Variants in MLLT3 observed in about 807,000 individuals in gnomAD.
The protein encoded by MLLT3 is protein AF-9.
MLLT3 carries 4 observed loss-of-function variants against 53.2 expected under a neutral mutation model. That is an observed-to-expected ratio of 0.08 (90% CI 0.04 to 0.17). The LOEUF (loss-of-function observed/expected upper bound fraction) is 0.17, where lower values mean the gene tolerates loss of function less well. MLLT3 is among the 10% of genes least tolerant of loss of function. The probability of loss-of-function intolerance (pLI) is 1.00; values close to 1 mark genes in which losing one functional copy is unlikely to be tolerated. For synonymous variants in MLLT3, 283 were observed against 230.6 expected, an observed-to-expected ratio of 1.23 and a Z score of -2.06; for missense variants, 569 against 684.0, an observed-to-expected ratio of 0.83 and a Z score of 1.87.
intron 10 of MLLT3, among the ~76,000 whole-genome samples, chr9:20,347,837 T>C (rs1820916304): frequency 6.6e-6 from 1 of 152,236 alleles, no homozygotes; most frequent in South Asian, 2.1e-4. Flanking sequence ...ATTTTAATTA[T>C]TGAGCCTATC....
Position 20,342,068 on chromosome 9 carries a change from C to T in MLLT3, c.*4375G>A, listed in dbSNP as rs1820748994. 4.7e-6 allele frequency: 1 copy of T among 211,654 alleles called. No individual in the cohort carries two copies. The highest frequency in any genetic ancestry group is 9.6e-6 in the Non-Finnish European group (1 of 104,604). The allele number at this position is 211,654 out of a possible 1,614,324, so 13.1% of individuals were successfully genotyped here. A position where few individuals can be genotyped will look rare whatever the true frequency, so the allele number is the denominator to read the frequency against. On this transcript the variant is annotated 3_prime_UTR_variant, in exon 11 of 11. Transcript: ENST00000380338. The stretch of plus-strand genomic sequence containing the variant: ...CCTCTCTCTGGATGTCTCAGATCTC[C>T]CCATCTATTCTTCTTTAGAAACAGC...
chr9:20,607,466 T>G (rs931287323), intron 2 of MLLT3, among the ~76,000 whole-genome samples: 1 of 152,102 alleles, frequency 6.6e-6, no homozygotes, highest in African/African-American at 2.4e-5. Flanking sequence ...AAGCAGAAAT[T>G]TGTCAGCAGA....
intron 5 of MLLT3, among the ~76,000 whole-genome samples, chr9:20,396,403 A>C (rs976004093): frequency 6.6e-6 from 1 of 152,148 alleles, no homozygotes; most frequent in Admixed American, 6.5e-5. Context: ...GCTATTATTC[A>C]CATATCAGAG....
At chr9:20,605,314 C>T (rs1272383049) in intron 2 of MLLT3, among the ~76,000 whole-genome samples, 1 of 152,038 alleles carries the variant, frequency 6.6e-6, no homozygotes, top group Non-Finnish European at 1.5e-5. Flanking sequence ...ATACCTATTC[C>T]TACATTCTTT....
At chr9:20,468,615 G>A (rs1319618092) in intron 2 of MLLT3, among the ~76,000 whole-genome samples, 1 of 152,130 alleles carries the variant, frequency 6.6e-6, no homozygotes, top group Non-Finnish European at 1.5e-5. Context: ...AAAAATTAAT[G>A]GGGAATCAGG....
intron 2 of MLLT3, among the ~76,000 whole-genome samples, chr9:20,619,093 A>T (rs908765115): frequency 1.3e-5 from 2 of 152,204 alleles, no homozygotes; most frequent in Non-Finnish European, 2.9e-5. Flanking sequence ...TCCGAGAAGC[A>T]GCATATCAAC....
At chr9:20,434,615 C>T (rs181957926) in intron 4 of MLLT3, among the ~76,000 whole-genome samples, 2 of 152,124 alleles carry the variant, frequency 1.3e-5, no homozygotes, top group African/African-American at 4.8e-5. Context: ...TAAGAGGAAT[C>T]GAAATGCCAT....
intron 2 of MLLT3, among the ~76,000 whole-genome samples, chr9:20,596,306 A>C (rs1820261287): frequency 6.6e-6 from 1 of 152,250 alleles, no homozygotes; most frequent in African/African-American, 2.4e-5. Context: ...AAACTATGGC[A>C]TTTAATTAAA....
At chr9:20,433,102 G>C (rs1823317937) in intron 4 of MLLT3, among the ~76,000 whole-genome samples, 1 of 151,984 alleles carries the variant, frequency 6.6e-6, no homozygotes, top group African/African-American at 2.4e-5. Context: ...AAGCAAAGTA[G>C]GCAACGGTGA....
intron 4 of MLLT3, among the ~76,000 whole-genome samples, chr9:20,419,487 G>C (rs1822953674): frequency 6.7e-6 from 1 of 149,884 alleles, no homozygotes; most frequent in Admixed American, 6.7e-5. Context: ...AAACTAAAGA[G>C]AGGGCTGAAT....
chr9:20,501,202 G>A (rs1825215947), intron 2 of MLLT3, among the ~76,000 whole-genome samples: 1 of 151,824 alleles, frequency 6.6e-6, no homozygotes, highest in African/African-American at 2.4e-5. Flanking sequence ...ACCATTTCTA[G>A]GACACCTCAT....
intron 2 of MLLT3, among the ~76,000 whole-genome samples, chr9:20,509,940 C>A (rs1305698157): frequency 6.6e-6 from 1 of 151,540 alleles, no homozygotes; most frequent in African/African-American, 2.4e-5. Flanking sequence ...TTCCTGGAAG[C>A]TCAGGTTCTT....
chr9:20,541,168 T>C (rs1426794394), intron 2 of MLLT3, among the ~76,000 whole-genome samples: 2 of 152,218 alleles, frequency 1.3e-5, no homozygotes, highest in Non-Finnish European at 2.9e-5. Flanking sequence ...TGGACTTCAC[T>C]GTCCATATCA....
chr9:20,562,348 T>A (rs543842222), intron 2 of MLLT3, among the ~76,000 whole-genome samples: 1 of 151,910 alleles, frequency 6.6e-6, no homozygotes, highest in Non-Finnish European at 1.5e-5. Context: ...ACCACCACCA[T>A]CATTCATGCA....
intron 2 of MLLT3, among the ~76,000 whole-genome samples, chr9:20,561,124 T>G (rs774427888): frequency 6.6e-6 from 1 of 152,158 alleles, no homozygotes; most frequent in Non-Finnish European, 1.5e-5. Context: ...AGGTTACACA[T>G]GCATGCACGC....
intron 8 of MLLT3, among the ~76,000 whole-genome samples, chr9:20,357,524 A>G (rs937915501): frequency 6.6e-6 from 1 of 152,202 alleles, no homozygotes; most frequent in African/African-American, 2.4e-5. Context: ...CAAACGTTCA[A>G]GATTATATTT....
chr9:20,540,907 C>T (rs568259866), intron 2 of MLLT3, among the ~76,000 whole-genome samples: 2 of 152,284 alleles, frequency 1.3e-5, no homozygotes, highest in South Asian at 2.1e-4. Context: ...AACATAAGTT[C>T]GAATTTCAGA....
Position 20,363,506 on chromosome 9 carries a change from G to T in MLLT3, c.1301C>A (p.Pro434His). Residue 434 changes from proline to histidine, a missense_variant, in exon 7 of 11, where the codon CCT becomes CAT. Pro to His is a moderately conservative substitution (Grantham distance 77). Around this residue, in one of 5 missense-constraint regions of MLLT3, gnomAD observed 437 missense variants for 376.5 expected, o/e 1.16. Coordinates refer to ENST00000380338, the MANE Select transcript of MLLT3 (RefSeq NM_004529.4). The stretch of plus-strand genomic sequence containing the variant: ...ACTTCGGCTGCCTCCTCTATTTACA[G>T]GCCTCTCCATTTCAGAGTCATTGTC... The part of the protein sequence containing the change: ...DNDNDSEMER[P>H]VNRGGSRSRR... 1 of 1,613,908 alleles carries T rather than the reference G, an allele frequency of 6.2e-7. No individual in the cohort carries two copies.
chr9:20,586,887 C>G (rs1819979726), intron 2 of MLLT3, among the ~76,000 whole-genome samples: 1 of 152,086 alleles, frequency 6.6e-6, no homozygotes, highest in African/African-American at 2.4e-5. Context: ...CATTTTCAAT[C>G]TATCTGCTAC....
Sources: allele counts gnomAD v4.1 joint callset (sites outside exome capture counted in the v4.1 genomes callset), GRCh38; gene constraint gnomAD v4.1.1; regional missense constraint gnomAD v4.1.1; transcripts MANE v1.5; gene names NCBI Gene and HGNC (gene_info 2026-07-23, HGNC 2026-07-21).